Variants in CSMD2 observed in about 807,000 individuals in gnomAD.
CSMD2 encodes the protein CUB and sushi domain-containing protein 2.
Under a neutral mutation model 398.5 loss-of-function variants are expected in CSMD2, and 130 were observed. The ratio of observed to expected loss-of-function variants is 0.33; its 90% CI spans 0.28 to 0.38. CSMD2 has a LOEUF of 0.38. Among genes scored for constraint, CSMD2 ranks in the 10% least tolerant of loss-of-function variants. CSMD2 has a pLI of 1.00. For synonymous variants in CSMD2, 1,828 were observed against 1,908.5 expected, an observed-to-expected ratio of 0.96 and a Z score of 1.10; for missense variants, 3,829 against 4,764.9, an observed-to-expected ratio of 0.80 and a Z score of 5.78.
In CSMD2 at chr1:33,700,542, G is replaced by A; in HGVS notation, c.3708C>T (p.Ser1236=). Residue 1236 remains serine (S), a synonymous_variant, in exon 23 of 71, where the codon AGC becomes AGT. Coordinates refer to ENST00000373381, the MANE Select transcript of CSMD2 (RefSeq NM_001281956.2). ...TGGAAAAGTGCAGTTCAAAGCCCTT[G>A]CTGGTGTTTTCAGCATCAGTGATGA... The part of the protein sequence containing the change: ...LDFITDAENT[S]KGFELHFSSF... The A allele has an allele frequency of 6.2e-7, 1 of 1,614,212 alleles. No homozygotes were observed. Among genetic ancestry groups the A allele is most frequent in the Non-Finnish European group, 8.5e-7 (1 of 1,180,038 alleles).
At chr1:33,807,874 A>G (rs1175113426) in intron 10 of CSMD2, among the ~76,000 whole-genome samples, 1 of 152,156 alleles carries the variant, frequency 6.6e-6, no homozygotes, top group Admixed American at 6.5e-5. Flanking sequence ...AAATCCAGCT[A>G]TACACAAAAC....
At chr1:34,032,363 C>A (rs1254974133) in intron 3 of CSMD2, among the ~76,000 whole-genome samples, 1 of 152,152 alleles carries the variant, frequency 6.6e-6, no homozygotes, top group Non-Finnish European at 1.5e-5. Context: ...TGTTACCAGG[C>A]CCTCAGGATA....
At chr1:33,572,863 TC>T (rs2148699070) in intron 49 of CSMD2, among the ~76,000 whole-genome samples, 172 bp from the exon 50 acceptor site, 1 of 111,006 alleles carries the variant, frequency 9.0e-6, no homozygotes, top group South Asian at 2.9e-4. Context: ...AGTTTTTTCT[TC>T]TTTTTTTTTT....
intron 1 of CSMD2, among the ~76,000 whole-genome samples, chr1:34,121,777 T>C (rs577013303): frequency 2.6e-4 from 40 of 152,248 alleles, no homozygotes; most frequent in Non-Finnish European, 2.9e-5. Flanking sequence ...CCAGGGGCTC[T>C]TCCAAGGTCG....
chr1:34,092,686 C>T (rs1207860526), intron 1 of CSMD2, among the ~76,000 whole-genome samples: 6 of 151,980 alleles, frequency 3.9e-5, no homozygotes, highest in African/African-American at 1.2e-4. Flanking sequence ...CACCCGAATA[C>T]TGCGCTTTTC....
At chr1:33,706,166 T>A (rs1238246806) in intron 22 of CSMD2, among the ~76,000 whole-genome samples, 1 of 152,202 alleles carries the variant, frequency 6.6e-6, no homozygotes, top group East Asian at 1.9e-4. Flanking sequence ...CTTTATTAAA[T>A]TGTTTTACAT....
At chr1:34,119,887 T>C (rs1661991316) in intron 1 of CSMD2, among the ~76,000 whole-genome samples, 1 of 152,156 alleles carries the variant, frequency 6.6e-6, no homozygotes, top group African/African-American at 2.4e-5. Flanking sequence ...AAAAATAGAA[T>C]TACCATCTGA....
At chr1:33,632,522 C>T (rs1170922191) in intron 32 of CSMD2, among the ~76,000 whole-genome samples, 1 of 152,020 alleles carries the variant, frequency 6.6e-6, no homozygotes, top group Non-Finnish European at 1.5e-5. Flanking sequence ...TTTAACCTAA[C>T]TAGTAATAAA....
intron 25 of CSMD2, among the ~76,000 whole-genome samples, chr1:33,679,555 C>T (rs1644834677): frequency 6.6e-6 from 1 of 152,112 alleles, no homozygotes; most frequent in South Asian, 2.1e-4. Flanking sequence ...CTCAATTTAC[C>T]CCCGTGTAAA....
intron 3 of CSMD2, among the ~76,000 whole-genome samples, chr1:33,955,036 T>C: frequency 6.6e-6 from 1 of 152,116 alleles, no homozygotes; most frequent in East Asian, 1.9e-4. Flanking sequence ...GGTCAAGGTG[T>C]TCATTTATCA....
chr1:34,029,759 G>T (rs971142987), intron 3 of CSMD2, among the ~76,000 whole-genome samples: 1 of 152,224 alleles, frequency 6.6e-6, no homozygotes, highest in Non-Finnish European at 1.5e-5. Context: ...ATAGAGACTC[G>T]CTCGGCTACA....
chr1:33,635,259 T>C lies in CSMD2; in HGVS notation c.5041A>G (p.Ser1681Gly). The C allele has an allele frequency of 1.2e-6, 2 of 1,613,580 alleles. No homozygotes were observed. The highest frequency in any genetic ancestry group is 1.7e-6 in the Non-Finnish European group (2 of 1,179,578). The part of the protein sequence containing the change: ...LSPNYPQNYT[S>G]GQICLYFVTV... ...ACAAAATACAAGCAGATCTGTCCAC[T>C]GGTGTAGTTCTGGGGGTAGTTGGGG... Residue 1681 changes from serine (S) to glycine (G), a missense_variant, in exon 31 of 71, where the codon AGT becomes GGT. By Grantham distance (56) the Ser-to-Gly change is moderately conservative (BLOSUM62 0). Transcript: ENST00000373381. The surrounding 1 kb of genome is among the most constrained non-coding windows in gnomAD (Gnocchi z 5.0).
intron 12 of CSMD2, among the ~76,000 whole-genome samples, chr1:33,775,540 C>T (rs942494953): frequency 1.3e-5 from 2 of 152,154 alleles, no homozygotes; most frequent in African/African-American, 2.4e-5. Flanking sequence ...GTTATTGTCA[C>T]AGCTAACTTT....
At position 33,519,924 on chromosome 1, in the gene CSMD2, C is replaced by T. The variant is rs140748236; in HGVS notation, c.10624G>A (p.Glu3542Lys). 1.1e-4 allele frequency: 179 copies of T among 1,614,020 alleles called. No individual in the cohort carries two copies. The highest frequency in any genetic ancestry group is 2.0e-4 in the Admixed American group (12 of 60,008). ...GAAGCAAAGTGGCGGCCAATGGACT[C>T]GGGGTCTGACTCCAGCAGCCTGAGG... ...LDLRLLESDP[E>K]SIGRHFASNS... Residue 3542 changes from glutamate to lysine, a missense_variant, in exon 69 of 71, where the codon GAG becomes AAG. Physicochemically the swap from Glu to Lys is moderately conservative, Grantham distance 56. Around this residue, in one of 5 missense-constraint regions of CSMD2, gnomAD observed 917 missense variants for 1,199.5 expected, o/e 0.76. Coordinates refer to ENST00000373381, the MANE Select transcript of CSMD2 (RefSeq NM_001281956.2). The surrounding 1 kb of genome is among the most constrained non-coding windows in gnomAD (Gnocchi z 5.6).
intron 1 of CSMD2, among the ~76,000 whole-genome samples, chr1:34,115,901 A>G (rs1317666434): frequency 6.6e-6 from 1 of 151,958 alleles, no homozygotes; most frequent in Non-Finnish European, 1.5e-5. Flanking sequence ...TTATAATTAT[A>G]AAATATTTTA....
chr1:33,577,522 C>A, intron 48 of CSMD2, 38 bp from the exon 49 acceptor site: 2 of 1,562,700 alleles, frequency 1.3e-6, no homozygotes, highest in African/African-American at 1.4e-5. Flanking sequence ...CTGGCACCAG[C>A]AGGAAGACAG....
chr1:33,835,914 G>A (rs1660200398), intron 6 of CSMD2, among the ~76,000 whole-genome samples: 1 of 152,172 alleles, frequency 6.6e-6, no homozygotes, highest in Non-Finnish European at 1.5e-5. Context: ...GAGGAGCTGT[G>A]TTCCTTTGGA....
chr1:33,637,694 T>A (rs78309466), intron 29 of CSMD2, among the ~76,000 whole-genome samples: 1 of 152,286 alleles, frequency 6.6e-6, no homozygotes, highest in South Asian at 2.1e-4. Flanking sequence ...CAACTGAGTA[T>A]CAGGTTGACT....
chr1:33,645,394 T>C (rs74066668), intron 29 of CSMD2, among the ~76,000 whole-genome samples: 188 of 137,116 alleles, frequency 1.4e-3, no homozygotes, highest in Middle Eastern at 3.6e-3. Flanking sequence ...CACACACACA[T>C]ATATAAAATA....
Sources: allele counts gnomAD v4.1 joint callset (sites outside exome capture counted in the v4.1 genomes callset), GRCh38; gene constraint gnomAD v4.1.1; regional missense constraint gnomAD v4.1.1; non-coding constraint Gnocchi (gnomAD v3.1); transcripts MANE v1.5; gene names NCBI Gene and HGNC (gene_info 2026-07-23, HGNC 2026-07-21).